Variants in CRY1 observed in about 807,000 individuals in gnomAD.
CRY1 encodes cryptochrome circadian regulator 1, also known as cryptochrome-1.
CRY1 carries 45 observed loss-of-function variants against 76.0 expected under a neutral mutation model. The observed-to-expected ratio is 0.59, with a 90% confidence interval of 0.47 to 0.76. The LOEUF (loss-of-function observed/expected upper bound fraction) is 0.76, where lower values mean the gene tolerates loss of function less well. CRY1 is among the 30% of genes least tolerant of loss of function. The pLI, the probability that CRY1 is intolerant of heterozygous loss-of-function variation, is 0.00. For synonymous variants in CRY1, 248 were observed against 244.0 expected (o/e 1.02, Z -0.15); for missense variants, 587 against 716.4 (o/e 0.82, Z 2.06).
intron 1 of CRY1, among the ~76,000 whole-genome samples, chr12:107,032,608 G>C (rs1315936473): frequency 6.6e-6 from 1 of 152,082 alleles, no homozygotes; most frequent in East Asian, 1.9e-4. Flanking sequence ...TATAATCTCA[G>C]AGCCCACGAG....
At chr12:106,998,756 G>GT (rs1047023350) in intron 7 of CRY1, among the ~76,000 whole-genome samples, 17 of 151,198 alleles carry the variant, frequency 1.1e-4, no homozygotes, top group Non-Finnish European at 2.2e-4. Flanking sequence ...AAAAATGTAC[G>GT]TAATGGCCGG....
intron 1 of CRY1, among the ~76,000 whole-genome samples, chr12:107,031,542 A>T (rs578081135): frequency 6.6e-6 from 1 of 152,304 alleles, no homozygotes; most frequent in East Asian, 1.9e-4. Flanking sequence ...AGCAGTGAAT[A>T]CTGACAAGTA....
intron 3 of CRY1, 116 bp from the exon 4 acceptor site, chr12:107,002,064 G>C: frequency 1.2e-6 from 1 of 818,014 alleles, no homozygotes; most frequent in Non-Finnish European, 1.8e-6. Context: ...AAGTCTTTGA[G>C]GGTGTTAGCT....
rs559362323 is a variant in CRY1 at position 107,079,938 on chromosome 12, G to A, written c.158+12866C>T. Among the ~76,000 whole-genome samples, 9 of 152,238 alleles carry A rather than the reference G, an allele frequency of 5.9e-5. No homozygotes were observed. In the Middle Eastern group the frequency reaches 0.01, roughly 173 times the overall value. ...AAGATCACTCTACTTGCTGTGTAGC[G>A]AATGAATTAGAGAAGGGCAAGGGGG... On this transcript the variant is annotated intron_variant, in intron 1 of 12. Transcript: ENST00000008527.
At chr12:107,079,565 A>C (rs970866865) in intron 1 of CRY1, among the ~76,000 whole-genome samples, 15 of 152,114 alleles carry the variant, frequency 9.9e-5, no homozygotes, top group African/African-American at 3.6e-4. Context: ...AGTACTAAAC[A>C]ACATCTCCTA....
At chr12:107,055,444 AT>A (rs1952971412) in intron 1 of CRY1, among the ~76,000 whole-genome samples, 1 of 152,154 alleles carries the variant, frequency 6.6e-6, no homozygotes, top group Admixed American at 6.6e-5. Flanking sequence ...AAATAATTGT[AT>A]CAGATAAAAA....
At chr12:107,060,087 T>C (rs1953029354) in intron 1 of CRY1, among the ~76,000 whole-genome samples, 1 of 152,236 alleles carries the variant, frequency 6.6e-6, no homozygotes, top group Admixed American at 6.5e-5. Context: ...TATGCGTTGA[T>C]ATTAATATAC....
intron 1 of CRY1, among the ~76,000 whole-genome samples, chr12:107,065,984 C>T (rs1953105235): frequency 6.6e-6 from 1 of 152,234 alleles, no homozygotes. Context: ...CTGTGGTTGA[C>T]AAGCACAGTC....
chr12:107,060,413 A>G (rs567370318), intron 1 of CRY1, among the ~76,000 whole-genome samples: 1 of 152,288 alleles, frequency 6.6e-6, no homozygotes, highest in South Asian at 2.1e-4. Flanking sequence ...TGATGGGGCA[A>G]GAAGGTCCTA....
At chr12:107,090,201 T>A (rs1202939559) in intron 1 of CRY1, among the ~76,000 whole-genome samples, 1 of 152,116 alleles carries the variant, frequency 6.6e-6, no homozygotes, top group Non-Finnish European at 1.5e-5. Flanking sequence ...TCGATTCTCC[T>A]GCCTCAGCCT....
At chr12:106,998,089 T>TGGAGACTA in intron 7 of CRY1, 23 bp from the exon 8 acceptor site, 1 of 1,613,192 alleles carries the variant, frequency 6.2e-7, no homozygotes, top group Non-Finnish European at 8.5e-7. Context: ...CAGTAACCAA[T>TGGAGACTA]TAGTTTGCAC....
At chr12:106,992,088 T>C (rs1412646404) in intron 12 of CRY1, 87 bp from the exon 13 acceptor site, 1 of 152,152 alleles carries the variant, frequency 6.6e-6, no homozygotes, top group African/African-American at 2.4e-5. Flanking sequence ...TTATTGACCT[T>C]ATCTTCAAGA....
chr12:107,082,740 C>G (rs1258839792), intron 1 of CRY1, among the ~76,000 whole-genome samples: 3 of 152,032 alleles, frequency 2.0e-5, no homozygotes, highest in African/African-American at 4.8e-5. Flanking sequence ...TATCAGAAAG[C>G]AAGAAAGATC....
chr12:107,088,842 C>T (rs1044007606), intron 1 of CRY1, among the ~76,000 whole-genome samples: 1 of 152,198 alleles, frequency 6.6e-6, no homozygotes, highest in Non-Finnish European at 1.5e-5. Flanking sequence ...CCATCACCTT[C>T]TAGAACAGTT....
intron 1 of CRY1, among the ~76,000 whole-genome samples, chr12:107,058,776 A>G (rs987325151): frequency 2.0e-5 from 3 of 152,244 alleles, no homozygotes; most frequent in African/African-American, 7.2e-5. Flanking sequence ...TAGCCAATAA[A>G]GTATTGTTGA....
intron 1 of CRY1, among the ~76,000 whole-genome samples, chr12:107,066,015 A>G (rs1008722843): frequency 1.3e-5 from 2 of 152,252 alleles, no homozygotes; most frequent in African/African-American, 4.8e-5. Flanking sequence ...TTGCTAAATA[A>G]GTCTAATTCA....
chr12:107,078,398 A>T (rs546885809), intron 1 of CRY1, among the ~76,000 whole-genome samples: 4 of 152,248 alleles, frequency 2.6e-5, no homozygotes, highest in Admixed American at 2.6e-4. Context: ...AGTGCAAGGT[A>T]AAATCACTCT....
At chr12:107,045,538 C>T (rs1952839468) in intron 1 of CRY1, among the ~76,000 whole-genome samples, 1 of 152,192 alleles carries the variant, frequency 6.6e-6, no homozygotes, top group African/African-American at 2.4e-5. Flanking sequence ...GTTGCCATTG[C>T]TTTTGGTATT....
intron 1 of CRY1, among the ~76,000 whole-genome samples, chr12:107,036,716 C>A (rs1045443764): frequency 1.3e-5 from 2 of 152,080 alleles, no homozygotes; most frequent in African/African-American, 4.8e-5. Context: ...GCCACATGTC[C>A]TCCTTGGGAT....
Sources: gnomAD v4.1 joint callset for allele counts (sites outside exome capture counted in the v4.1 genomes callset) on GRCh38, gnomAD v4.1.1 for gene constraint, MANE v1.5 for transcripts, NCBI Gene and HGNC (gene_info 2026-07-23, HGNC 2026-07-21) for gene names.